CRIM1: variants seen among roughly 807,000 people sequenced by gnomAD.
CRIM1 encodes cysteine-rich motor neuron 1 protein.
Under a neutral mutation model 116.4 loss-of-function variants are expected in CRIM1, and 32 were observed. The observed-to-expected ratio is 0.27, with a 90% CI of 0.21 to 0.37. The LOEUF is 0.37. Ranked by LOEUF, CRIM1 falls within the 10% of genes least tolerant of loss-of-function variation. The pLI is 1.00. For missense variants in CRIM1, 1,331 were observed against 1,354.8 expected (o/e 0.98, Z 0.28); for synonymous variants, 590 against 509.2 (o/e 1.16, Z -2.13).
intron 7 of CRIM1, among the ~76,000 whole-genome samples, chr2:36,484,531 GATGTGGACAGGT>G (rs1396441226): frequency 6.6e-6 from 1 of 152,164 alleles, no homozygotes; most frequent in African/African-American, 2.4e-5. Flanking sequence ...AAATTCAAGA[GATGTGGACAGGT>G]GTGTGGCCAG....
chr2:36,536,360 G>T (rs1558413117), intron 13 of CRIM1, among the ~76,000 whole-genome samples: 1 of 132,636 alleles, frequency 7.5e-6, no homozygotes, highest in African/African-American at 2.9e-5. Context: ...CCTTCTAGAT[G>T]CCTTTGTAGT....
intron 2 of CRIM1, among the ~76,000 whole-genome samples, chr2:36,434,247 A>C (rs1251775937): frequency 6.6e-6 from 1 of 152,246 alleles, no homozygotes; most frequent in Admixed American, 6.5e-5. Context: ...GATATCTCTA[A>C]GGCCAAGGAA....
At chr2:36,457,072 GAA>G (rs891369909) in intron 4 of CRIM1, among the ~76,000 whole-genome samples, 5 of 152,188 alleles carry the variant, frequency 3.3e-5, no homozygotes, top group African/African-American at 7.2e-5. Flanking sequence ...GCTAGGAAGA[GAA>G]GAGCTTAATG....
chr2:36,502,114 C>T (rs72866858), intron 8 of CRIM1, among the ~76,000 whole-genome samples: 1,552 of 152,152 alleles, frequency 0.01, 29 homozygotes, highest in African/African-American at 0.034. Flanking sequence ...GTCCAGTCAC[C>T]TCACCTACAC....
At chr2:36,467,581 C>A (rs1447242746) in intron 5 of CRIM1, among the ~76,000 whole-genome samples, 1 of 152,122 alleles carries the variant, frequency 6.6e-6, no homozygotes, top group African/African-American at 2.4e-5. Flanking sequence ...CACAGAGGAT[C>A]TGAGGAAACT....
chr2:36,473,108 C>A (rs1178979883), intron 5 of CRIM1, among the ~76,000 whole-genome samples: 1 of 152,178 alleles, frequency 6.6e-6, no homozygotes, highest in Non-Finnish European at 1.5e-5. Flanking sequence ...TAATAATACT[C>A]GTTCTGTCTT....
intron 1 of CRIM1, among the ~76,000 whole-genome samples, chr2:36,364,336 C>T (rs939352485): frequency 6.6e-6 from 1 of 152,284 alleles, no homozygotes; most frequent in East Asian, 1.9e-4. Flanking sequence ...ATAAATGTTA[C>T]CTGCTATTAT....
intron 1 of CRIM1, among the ~76,000 whole-genome samples, chr2:36,384,871 C>T (rs1177600223): frequency 6.6e-6 from 1 of 152,146 alleles, no homozygotes; most frequent in Admixed American, 6.5e-5. Flanking sequence ...CATACACTAA[C>T]CATGTGGATC....
rs560448328 is a variant in CRIM1 at position 36,478,694 on chromosome 2, A to C, written c.1175-803A>C. ...TATGAACTGTCTGGATTCCTCTCTC[A>C]GCACAGCAGTAGTTGTTTGTTGAAG... On this transcript the variant is annotated intron_variant, in intron 6 of 16. Transcript: ENST00000280527. 3.2e-4 allele frequency among the ~76,000 whole-genome samples: 49 copies of C among 152,302 alleles called. 1 individual carries two copies. Among genetic ancestry groups the C allele is most frequent in the East Asian group, 1.9e-4 (1 of 5,190 alleles).
intron 2 of CRIM1, among the ~76,000 whole-genome samples, chr2:36,413,407 T>G (rs938285790): frequency 6.6e-6 from 1 of 152,188 alleles, no homozygotes; most frequent in African/African-American, 2.4e-5. Context: ...GTTACAACAG[T>G]AGGGCTTTTC....
At chr2:36,538,619 C>T (rs553642245) in intron 14 of CRIM1, among the ~76,000 whole-genome samples, 13 of 152,222 alleles carry the variant, frequency 8.5e-5, no homozygotes, top group African/African-American at 1.7e-4. Flanking sequence ...TTTGTTTAGG[C>T]GTTGTGCAGA....
At chr2:36,367,991 C>T (rs1326174891) in intron 1 of CRIM1, among the ~76,000 whole-genome samples, 1 of 152,214 alleles carries the variant, frequency 6.6e-6, no homozygotes. Flanking sequence ...CAGGCCAAAA[C>T]TTGCCCAAAT....
At chr2:36,441,634 T>C in intron 3 of CRIM1, 134 bp downstream of exon 3, 1 of 1,136,572 alleles carries the variant, frequency 8.8e-7, no homozygotes, top group South Asian at 1.5e-5. Flanking sequence ...TCTGCCACTT[T>C]GGGCTAATGG....
chr2:36,407,117 T>TA (rs1193793347), intron 2 of CRIM1, among the ~76,000 whole-genome samples: 1 of 152,196 alleles, frequency 6.6e-6, no homozygotes, highest in Non-Finnish European at 1.5e-5. Flanking sequence ...TACTTGTTTA[T>TA]AAGGCAGTAA....
At chr2:36,380,744 G>A (rs1670682926) in intron 1 of CRIM1, among the ~76,000 whole-genome samples, 8 of 152,178 alleles carry the variant, frequency 5.3e-5, no homozygotes. Context: ...ATCAGACTTT[G>A]AAAATCAGTG....
At chr2:36,374,496 C>A (rs1670169346) in intron 1 of CRIM1, among the ~76,000 whole-genome samples, 1 of 152,112 alleles carries the variant, frequency 6.6e-6, no homozygotes, top group South Asian at 2.1e-4. Context: ...AGACATCCTT[C>A]CCCCCACACC....
At position 36,548,675 on chromosome 2, in the gene CRIM1, G is replaced by A. The variant is rs1322400450; in HGVS notation, c.3085G>A (p.Ala1029Thr). Residue 1029 changes from alanine to threonine, a missense_variant, in exon 17 of 17, where the codon GCA becomes ACA. Ala to Thr is a moderately conservative substitution (Grantham distance 58, BLOSUM62 0). Coordinates refer to ENST00000280527, the MANE Select transcript of CRIM1 (RefSeq NM_016441.3). ...YSMQKQNHLQ[A>T]DNFYQTV ...CATGCAAAAACAGAACCATCTACAG[G>A]CAGACAATTTCTACCAAACAGTGTG... 6.3e-7 allele frequency: 1 copy of A among 1,598,578 alleles called. No homozygotes were observed. Among genetic ancestry groups the A allele is most frequent in the Non-Finnish European group, 8.5e-7 (1 of 1,175,504 alleles).
At chr2:36,460,388 G>A (rs1047457928) in intron 4 of CRIM1, among the ~76,000 whole-genome samples, 2 of 152,174 alleles carry the variant, frequency 1.3e-5, no homozygotes, top group Non-Finnish European at 2.9e-5. Context: ...GAGATCAGGG[G>A]AAAGGGAGTG....
chr2:36,516,919 CAT>C (rs1404843440), intron 11 of CRIM1, among the ~76,000 whole-genome samples: 1 of 152,166 alleles, frequency 6.6e-6, no homozygotes, highest in Non-Finnish European at 1.5e-5. Flanking sequence ...TGAAATAACA[CAT>C]GTGAAGTGCT....
Sources: gnomAD v4.1 joint callset for allele counts (sites outside exome capture counted in the v4.1 genomes callset) on GRCh38, gnomAD v4.1.1 for gene constraint, MANE v1.5 for transcripts, NCBI Gene and HGNC (gene_info 2026-07-23, HGNC 2026-07-21) for gene names.